The following CDH8 variants were observed in gnomAD, a reference collection of about 807,000 sequenced individuals.
CDH8 encodes the protein cadherin-8.
CDH8 carries 17 observed loss-of-function variants against 68.1 expected under a neutral mutation model. The observed-to-expected ratio is 0.25, with a 90% CI of 0.17 to 0.37. The LOEUF (loss-of-function observed/expected upper bound fraction) is 0.37, where lower values mean the gene tolerates loss of function less well. CDH8 is among the 10% of genes least tolerant of loss of function. The pLI is 1.00. For synonymous variants in CDH8, 372 were observed against 365.1 expected (o/e 1.02, Z -0.21); for missense variants, 763 against 999.3 (o/e 0.76, Z 3.19).
intron 2 of CDH8, among the ~76,000 whole-genome samples, chr16:62,019,262 T>A (rs1902015539): frequency 1.3e-5 from 2 of 152,178 alleles, no homozygotes; most frequent in African/African-American, 4.8e-5. Context: ...TAAATTACAG[T>A]TTAAACTCCA....
intron 2 of CDH8, among the ~76,000 whole-genome samples, chr16:61,944,334 G>T (rs1184925792): frequency 6.6e-6 from 1 of 152,224 alleles, no homozygotes; most frequent in Non-Finnish European, 1.5e-5. Flanking sequence ...CTGAGAATTT[G>T]TAATTGTTGC....
chr16:61,800,056 G>A (rs903636543), intron 7 of CDH8, among the ~76,000 whole-genome samples: 2 of 152,050 alleles, frequency 1.3e-5, no homozygotes. Context: ...TTACGGGTAT[G>A]CACCACCACG....
chr16:61,701,311 A>G (rs1169263304), intron 10 of CDH8, among the ~76,000 whole-genome samples: 1 of 152,220 alleles, frequency 6.6e-6, no homozygotes, highest in East Asian at 1.9e-4. Context: ...CTGTGTACCT[A>G]ACTTTAAATC....
intron 7 of CDH8, among the ~76,000 whole-genome samples, chr16:61,816,358 T>C (rs555114404): frequency 6.6e-6 from 1 of 152,200 alleles, no homozygotes; most frequent in Admixed American, 6.5e-5. Flanking sequence ...AGGAATTTAA[T>C]ACATTTTTTA....
Position 61,886,216 on chromosome 16 carries a change from C to G in CDH8, c.547+14963G>C, listed in dbSNP as rs533264636. On this transcript the variant is annotated intron_variant, in intron 3 of 11. Transcript: ENST00000577390. Reference sequence around the variant, plus strand: ...TACTACCTAGTTCTGATATTCACACCATGCCTTACCCTAAGGAGCCAAGAT... The same window carrying G: ...TACTACCTAGTTCTGATATTCACACGATGCCTTACCCTAAGGAGCCAAGAT... Among the ~76,000 whole-genome samples, 3 of 152,242 alleles carry G rather than the reference C, an allele frequency of 2.0e-5. No individual in the cohort carries two copies. In the South Asian group the frequency reaches 6.2e-4, roughly 32 times the overall value.
At chr16:61,768,186 G>A (rs1298209992) in intron 8 of CDH8, among the ~76,000 whole-genome samples, 1 of 151,844 alleles carries the variant, frequency 6.6e-6, no homozygotes, top group African/African-American at 2.4e-5. Flanking sequence ...TGAAAAACAT[G>A]GAGTTAAAGC....
intron 8 of CDH8, among the ~76,000 whole-genome samples, chr16:61,753,280 C>T (rs1187887844): frequency 6.6e-6 from 1 of 150,686 alleles, no homozygotes; most frequent in Admixed American, 6.6e-5. Context: ...CGCTCTGTCA[C>T]CCAGACTGGA....
intron 3 of CDH8, among the ~76,000 whole-genome samples, chr16:61,889,540 T>C (rs1271016416): frequency 4.6e-5 from 7 of 152,148 alleles, no homozygotes; most frequent in Non-Finnish European, 1.0e-4. Context: ...TTCAGGCAAG[T>C]CTTCAGAATT....
intron 2 of CDH8, among the ~76,000 whole-genome samples, chr16:61,935,481 G>A (rs1442545620): frequency 6.6e-6 from 1 of 152,116 alleles, no homozygotes; most frequent in Non-Finnish European, 1.5e-5. Context: ...ATAGTATTGA[G>A]AATGGAACTA....
Position 61,826,701 on chromosome 16 carries a change from G to T in CDH8, c.668-1522C>A, listed in dbSNP as rs530043407. 5.9e-5 allele frequency among the ~76,000 whole-genome samples: 9 copies of T among 151,594 alleles called. No individual in the cohort carries two copies. In the East Asian group the frequency reaches 9.8e-4, roughly 17 times the overall value. On this transcript the variant is annotated intron_variant, in intron 4 of 11. Transcript: ENST00000577390. ...TCTGTCTGTAAAAGCACTGCAAGGA[G>T]TTCAAGTCCCTAAATCTTTTGAGTA...
At chr16:61,989,490 C>A (rs1287071432) in intron 2 of CDH8, among the ~76,000 whole-genome samples, 1 of 152,106 alleles carries the variant, frequency 6.6e-6, no homozygotes, top group Non-Finnish European at 1.5e-5. Context: ...AGCATCTGGG[C>A]CCTGGAAGAA....
chr16:61,837,181 T>A (rs1188991709), intron 4 of CDH8, among the ~76,000 whole-genome samples: 1 of 152,074 alleles, frequency 6.6e-6, no homozygotes. Context: ...ACAATGCTGC[T>A]GCAGGATTCC....
intron 3 of CDH8, among the ~76,000 whole-genome samples, chr16:61,881,038 G>A (rs1963565624): frequency 6.6e-6 from 1 of 152,078 alleles, no homozygotes; most frequent in Non-Finnish European, 1.5e-5. Flanking sequence ...ACAGCCAGGA[G>A]ACCTTAAAAC....
chr16:62,023,491 A>T (rs1312571491), intron 1 of CDH8, among the ~76,000 whole-genome samples: 3 of 152,146 alleles, frequency 2.0e-5, no homozygotes, highest in Admixed American at 6.5e-5. Context: ...CAGAAATAAG[A>T]CACATGTAAA....
At position 61,686,018 on chromosome 16, in the gene CDH8, G is replaced by T. The variant is rs535537329; in HGVS notation, c.1654+27823C>A. ...ATTCAGGCTTTGGTGTTTACAGAAT[G>T]AAAGATGAATATTCTGGTCCACATT... is the stretch of plus-strand genomic sequence containing the variant. On this transcript the variant is annotated intron_variant, in intron 10 of 11. Coordinates refer to ENST00000577390, the MANE Select transcript of CDH8 (RefSeq NM_001796.5). 1.7e-3 allele frequency among the ~76,000 whole-genome samples: 264 copies of T among 152,096 alleles called. 1 individual carries two copies. The highest frequency in any genetic ancestry group is 6.2e-3 in the African/African-American group (258 of 41,546).
chr16:61,769,851 C>A (rs149418808), intron 8 of CDH8, among the ~76,000 whole-genome samples: 33 of 151,964 alleles, frequency 2.2e-4, no homozygotes, highest in African/African-American at 7.9e-4. Context: ...TATGATTTTG[C>A]AACCAAGTTG....
intron 8 of CDH8, 102 bp from the exon 9 acceptor site, chr16:61,727,317 A>T (rs1959404013): frequency 8.3e-7 from 1 of 1,198,042 alleles, no homozygotes; most frequent in South Asian, 1.6e-5. Flanking sequence ...AACTTCCCTT[A>T]ATTAGGATGT....
Position 61,652,131 on chromosome 16 carries a change from T to A in CDH8, c.*1477A>T, listed in dbSNP as rs145789810. On this transcript the variant is annotated 3_prime_UTR_variant, in exon 12 of 12. Coordinates refer to ENST00000577390, the MANE Select transcript of CDH8 (RefSeq NM_001796.5). ...AAGTAGAAAATTAAAATGATCTGCA[T>A]GTAATACTTGAGTTTTATCATACAT... 1 of 973,124 alleles carries A rather than the reference T, an allele frequency of 1.0e-6. No homozygotes were observed. The highest frequency in any genetic ancestry group is 1.8e-5 in the African/African-American group (1 of 57,010). The allele number at this position is 973,124 out of a possible 1,614,324, so 60.3% of individuals were successfully genotyped here.
intron 10 of CDH8, among the ~76,000 whole-genome samples, chr16:61,672,832 A>G (rs1963825215): frequency 6.6e-6 from 1 of 152,106 alleles, no homozygotes; most frequent in African/African-American, 2.4e-5. Context: ...TGAGGTTATT[A>G]TAGTATTCAG....
Sources: gnomAD v4.1 joint callset for allele counts (sites outside exome capture counted in the v4.1 genomes callset) on GRCh38, gnomAD v4.1.1 for gene constraint, MANE v1.5 for transcripts, NCBI Gene and HGNC (gene_info 2026-07-23, HGNC 2026-07-21) for gene names.